Variants in ARHGAP32 observed in about 807,000 individuals in gnomAD.
ARHGAP32 encodes the protein rho GTPase-activating protein 32.
In ARHGAP32, 51 loss-of-function variants were observed where a neutral mutation model predicts 186.5. The ratio of observed to expected loss-of-function variants is 0.27; its 90% CI spans 0.22 to 0.35. The LOEUF (loss-of-function observed/expected upper bound fraction) is 0.35. ARHGAP32 is among the 10% of genes least tolerant of loss of function. The pLI, the probability that ARHGAP32 is intolerant of heterozygous loss-of-function variation, is 1.00. For synonymous variants in ARHGAP32, 950 were observed against 964.3 expected, an observed-to-expected ratio of 0.99 and a Z score of 0.27; for missense variants, 2,186 against 2,623.5, an observed-to-expected ratio of 0.83 and a Z score of 3.64.
chr11:129,101,283 C>T (rs1181878915), intron 5 of ARHGAP32, among the ~76,000 whole-genome samples: 3 of 152,182 alleles, frequency 2.0e-5, no homozygotes, highest in African/African-American at 7.2e-5. Context: ...CACAAGAACC[C>T]TGAAAACTCA....
rs750524825 is a variant in ARHGAP32, at chr11:129,066,906, T to C, written c.532-38A>G. On this transcript the variant is annotated intron_variant, in intron 6 of 22. Transcript: ENST00000682385. ...AAAAGAAACTCATATAATTCACCTC[T>C]ATTGGGAAATACTTATGAATCAGGC... 1.9e-5 allele frequency: 28 copies of C among 1,502,260 alleles called. No individual in the cohort carries two copies. The East Asian group carries it at 3.3e-4, about 18-fold the overall frequency. The allele number at this position is 1,502,260 out of a possible 1,614,324, so 93.1% of individuals were successfully genotyped here. A position where few individuals can be genotyped will look rare whatever the true frequency, so the allele number is the denominator to read the frequency against.
chr11:129,156,635 G>A (rs1019872741), intron 2 of ARHGAP32, among the ~76,000 whole-genome samples: 6 of 152,256 alleles, frequency 3.9e-5, no homozygotes, highest in Admixed American at 3.9e-4. Context: ...TGAGAAGGTG[G>A]GGCTGTGGGT....
At position 129,064,574 on chromosome 11, in the gene ARHGAP32, A is replaced by G. The variant is rs553717916; in HGVS notation, c.762+267T>C. ...ACTAAAAAAATGTACACCTTGCTGAATATATACATTAGTATACTAAACACC... is the reference window on the plus strand; with the variant it reads ...ACTAAAAAAATGTACACCTTGCTGAGTATATACATTAGTATACTAAACACC... On this transcript the variant is annotated intron_variant, in intron 8 of 22. Coordinates refer to ENST00000682385, the MANE Select transcript of ARHGAP32 (RefSeq NM_001378024.1). Among the ~76,000 whole-genome samples, 4 of 152,282 alleles carry G rather than the reference A, an allele frequency of 2.6e-5. No individual in the cohort carries two copies. The South Asian group carries it at 6.2e-4, about 24-fold the overall frequency.
intron 1 of ARHGAP32, among the ~76,000 whole-genome samples, chr11:129,217,177 C>T (rs7949049): frequency 0.89 from 135,632 of 152,190 alleles, 60,702 homozygotes; most frequent in African/African-American, 0.97. Context: ...CTCTTTATTA[C>T]TGTAAACCTC....
intron 1 of ARHGAP32, among the ~76,000 whole-genome samples, chr11:129,226,523 C>G (rs1944784060): frequency 6.6e-6 from 1 of 152,086 alleles, no homozygotes; most frequent in African/African-American, 2.4e-5. Flanking sequence ...GTCATTTTCC[C>G]CCTTTCTTCC....
intron 2 of ARHGAP32, among the ~76,000 whole-genome samples, chr11:129,146,190 T>C (rs1943164000): frequency 6.6e-6 from 1 of 152,298 alleles, no homozygotes; most frequent in Middle Eastern, 3.4e-3. Flanking sequence ...ACTTTTTCTT[T>C]TATTCAAATT....
chr11:128,985,564 A>G (rs1945839604), intron 15 of ARHGAP32, among the ~76,000 whole-genome samples: 1 of 152,198 alleles, frequency 6.6e-6, no homozygotes, highest in South Asian at 2.1e-4. Flanking sequence ...AATATTTCCA[A>G]CACTCCAAAC....
At chr11:129,199,662 C>T (rs953071116) in intron 1 of ARHGAP32, among the ~76,000 whole-genome samples, 16 of 152,316 alleles carry the variant, frequency 1.1e-4, no homozygotes, top group East Asian at 9.6e-4. Context: ...GCTGCAGGGG[C>T]GGGGCCCTCC....
rs562277092 is a variant in ARHGAP32, at chr11:129,045,546, CTAACTT to C, written c.964-4543_964-4538del. On this transcript the variant is annotated intron_variant, in intron 10 of 22. Transcript: ENST00000682385. ...GAAAATATTACACACGAGAATGGAA[CTAACTT>C]TAAAAGTACAGTTAATGAACACTTA... 5.2e-3 allele frequency among the ~76,000 whole-genome samples: 792 copies of C among 152,282 alleles called. 13 individuals carry two copies. The highest frequency in any genetic ancestry group is 0.018 in the African/African-American group (750 of 41,564).
chr11:128,979,859 G>A (rs879440169), intron 18 of ARHGAP32, among the ~76,000 whole-genome samples: 3 of 152,184 alleles, frequency 2.0e-5, no homozygotes, highest in Non-Finnish European at 2.9e-5. Context: ...CTATAACCTA[G>A]TAAAGAAGAT....
At chr11:129,070,000 T>C (rs1007525834) in intron 6 of ARHGAP32, among the ~76,000 whole-genome samples, 2 of 152,146 alleles carry the variant, frequency 1.3e-5, no homozygotes, top group Middle Eastern at 6.8e-3. Context: ...AGTTGGAATA[T>C]CATTTTCCCT....
At chr11:128,971,378 T>G (rs558475150) in intron 22 of ARHGAP32, 1 of 490,238 alleles carries the variant, frequency 2.0e-6, no homozygotes, top group East Asian at 3.1e-5. Flanking sequence ...CATTCAAAGT[T>G]TTCTAATTTA....
intron 1 of ARHGAP32, among the ~76,000 whole-genome samples, chr11:129,256,104 C>T (rs979213322): frequency 6.6e-6 from 1 of 151,968 alleles, no homozygotes; most frequent in South Asian, 2.1e-4. Context: ...CTGCGCAATT[C>T]CAGCATATAA....
intron 11 of ARHGAP32, among the ~76,000 whole-genome samples, chr11:128,998,882 C>A (rs774782644): frequency 6.6e-6 from 1 of 152,170 alleles, no homozygotes; most frequent in East Asian, 1.9e-4. Flanking sequence ...GTTTCCTATG[C>A]CTGTCTTTAA....
At chr11:129,110,703 C>T (rs903784410) in intron 5 of ARHGAP32, among the ~76,000 whole-genome samples, 6 of 151,976 alleles carry the variant, frequency 3.9e-5, no homozygotes, top group Admixed American at 1.3e-4. Context: ...ATTGTAAATA[C>T]GATTGCCTTC....
At chr11:129,028,088 A>T (rs1465334603) in intron 11 of ARHGAP32, among the ~76,000 whole-genome samples, 1 of 152,248 alleles carries the variant, frequency 6.6e-6, no homozygotes, top group South Asian at 2.1e-4. Context: ...ATAATTACCA[A>T]TCAAGAACTG....
At chr11:129,110,196 G>C (rs1373562862) in intron 5 of ARHGAP32, among the ~76,000 whole-genome samples, 1 of 151,870 alleles carries the variant, frequency 6.6e-6, no homozygotes, top group East Asian at 1.9e-4. Context: ...TATTGAAGAG[G>C]GTGTGTCCTT....
chr11:129,254,350 TAC>T (rs1565481951), intron 1 of ARHGAP32, among the ~76,000 whole-genome samples: 1 of 152,122 alleles, frequency 6.6e-6, no homozygotes, highest in Non-Finnish European at 1.5e-5. Context: ...GAATCTGGAA[TAC>T]AGTCACTGCA....
chr11:128,991,364 AGTCAT>A (rs1419361254), intron 12 of ARHGAP32, among the ~76,000 whole-genome samples: 1 of 152,188 alleles, frequency 6.6e-6, no homozygotes, highest in African/African-American at 2.4e-5. Flanking sequence ...GAAACAAATG[AGTCAT>A]TTAATACAAA....
Sources: allele counts gnomAD v4.1 joint callset (sites outside exome capture counted in the v4.1 genomes callset), GRCh38; gene constraint gnomAD v4.1.1; transcripts MANE v1.5; gene names NCBI Gene and HGNC (gene_info 2026-07-23, HGNC 2026-07-21).